The following CCDC15 variants were observed in gnomAD, a reference collection of about 807,000 sequenced individuals.
The protein encoded by CCDC15 is coiled-coil domain-containing protein 15.
A neutral mutation model predicts 114.5 loss-of-function variants in CCDC15; 105 were observed. The observed-to-expected ratio is 0.92, with a 90% confidence interval of 0.78 to 1.08. The LOEUF is 1.08. Among genes scored for constraint, CCDC15 ranks in the 50% least tolerant of loss-of-function variants. The probability of loss-of-function intolerance (pLI) is 0.00; values close to 1 mark genes in which losing one functional copy is unlikely to be tolerated. For synonymous variants in CCDC15, 334 were observed against 377.8 expected (o/e 0.88, Z 1.34); for missense variants, 1,105 against 1,093.6 (o/e 1.01, Z -0.15).
chr11:124,986,667 C>CTGTGTGTGTGTGTGTGTGTG (rs146292043), intron 6 of CCDC15, 75 bp from the exon 7 acceptor site: 2 of 1,089,548 alleles, frequency 1.8e-6, no homozygotes, highest in Non-Finnish European at 2.4e-6. Flanking sequence ...CTACATGGTG[C>CTGTGTGTGTGTGTGTGTGTG]TGTGTGTGTG....
chr11:124,982,248 G>T (rs1171455218), intron 6 of CCDC15, among the ~76,000 whole-genome samples: 1 of 152,044 alleles, frequency 6.6e-6, no homozygotes, highest in Non-Finnish European at 1.5e-5. Context: ...TACCCAACTT[G>T]CCACTCTGTG....
At chr11:125,034,203 G>A (rs916413201) in intron 13 of CCDC15, among the ~76,000 whole-genome samples, 3 of 152,152 alleles carry the variant, frequency 2.0e-5, no homozygotes, top group East Asian at 1.9e-4. Context: ...CACTACTGGG[G>A]ATGAGAAAGC....
At position 124,984,207 on chromosome 11, in the gene CCDC15, G is replaced by A. The variant is rs117222550; in HGVS notation, c.754-2535G>A. Among the ~76,000 whole-genome samples, 349 of 152,282 alleles carry A rather than the reference G, an allele frequency of 2.3e-3. 3 individuals are homozygous for A. Among genetic ancestry groups the A allele is most frequent in the Non-Finnish European group, 3.5e-3 (235 of 68,014 alleles). On this transcript the variant is annotated intron_variant, in intron 6 of 15. Coordinates refer to ENST00000344762, the MANE Select transcript of CCDC15 (RefSeq NM_025004.3). ...AAATGATGTAGGTGTTGCTATGGAT[G>A]AGTGCATGCTGGAAAAGTGGCATGA...
intron 6 of CCDC15, among the ~76,000 whole-genome samples, chr11:124,985,197 T>C (rs1202057335): frequency 6.6e-6 from 1 of 151,964 alleles, no homozygotes; most frequent in Non-Finnish European, 1.5e-5. Context: ...ATTCTTTTTA[T>C]TGCTGAATAA....
chr11:125,023,576 T>A (rs1372645121), intron 13 of CCDC15, among the ~76,000 whole-genome samples: 2 of 151,806 alleles, frequency 1.3e-5, no homozygotes, highest in Non-Finnish European at 2.9e-5. Context: ...GAAATGCAAA[T>A]CAAAACCATG....
chr11:124,971,855 A>T (rs961617628), intron 4 of CCDC15, among the ~76,000 whole-genome samples: 2 of 151,948 alleles, frequency 1.3e-5, no homozygotes, highest in African/African-American at 2.4e-5. Flanking sequence ...CTTCTTAATT[A>T]AAAAAAATTT....
At chr11:125,037,716 C>G (rs1305201521) in intron 13 of CCDC15, among the ~76,000 whole-genome samples, 1 of 152,138 alleles carries the variant, frequency 6.6e-6, no homozygotes, top group Non-Finnish European at 1.5e-5. Context: ...TTGTTTGTTA[C>G]CTGGTGTCCA....
chr11:125,014,380 A>T (rs1591609026), intron 13 of CCDC15, among the ~76,000 whole-genome samples: 1 of 152,180 alleles, frequency 6.6e-6, no homozygotes, highest in Non-Finnish European at 1.5e-5. Flanking sequence ...GTTTCTAAGT[A>T]CATACTTAGA....
intron 13 of CCDC15, among the ~76,000 whole-genome samples, chr11:125,031,780 C>T (rs986661225): frequency 1.3e-5 from 2 of 152,180 alleles, no homozygotes; most frequent in Admixed American, 6.5e-5. Flanking sequence ...CAGAGCAGCT[C>T]GCACAGCAGC....
At position 125,014,131 on chromosome 11, in the gene CCDC15, A is replaced by G. The variant is rs137949157; in HGVS notation, c.2411+8919A>G. ...GGAGGGGAGAAAGGGCCCAATATAC[A>G]TATCAGGCTTTCAGTTGAGTTAGGG... On this transcript the variant is annotated intron_variant, in intron 13 of 15. Coordinates refer to ENST00000344762, the MANE Select transcript of CCDC15 (RefSeq NM_025004.3). Among the ~76,000 whole-genome samples the G allele has an allele frequency of 8.5e-5, 13 of 152,312 alleles. No homozygotes were observed. In the East Asian group the frequency reaches 1.2e-3, roughly 14 times the overall value.
chr11:125,001,010 C>CA (rs1948471778), intron 11 of CCDC15, among the ~76,000 whole-genome samples: 1 of 152,180 alleles, frequency 6.6e-6, no homozygotes, highest in South Asian at 2.1e-4. Flanking sequence ...CACTGTAACT[C>CA]ATGCTGGAAT....
rs183826111 is a variant in CCDC15, at chr11:125,012,650, G to A, written c.2411+7438G>A. 1.9e-3 allele frequency among the ~76,000 whole-genome samples: 296 copies of A among 152,282 alleles called. 1 individual carries two copies. Among genetic ancestry groups the A allele is most frequent in the Non-Finnish European group, 3.4e-3 (229 of 68,010 alleles). On this transcript the variant is annotated intron_variant, in intron 13 of 15. Transcript: ENST00000344762. ...GATAAATATATGTTTTGCAGGGAAG[G>A]GGATAAGGATGGTGAGTTAGGAAAA...
At chr11:124,997,136 A>G (rs1948386822) in intron 11 of CCDC15, among the ~76,000 whole-genome samples, 1 of 152,198 alleles carries the variant, frequency 6.6e-6, no homozygotes, top group Non-Finnish European at 1.5e-5. Flanking sequence ...ATTGATGGAC[A>G]TCTGGGTTGT....
intron 11 of CCDC15, among the ~76,000 whole-genome samples, chr11:124,993,515 C>T (rs1948307319): frequency 1.3e-5 from 2 of 152,104 alleles, no homozygotes; most frequent in African/African-American, 2.4e-5. Flanking sequence ...ATGATGATCC[C>T]GCTTGGATAA....
chr11:125,027,927 G>A (rs978221581), intron 13 of CCDC15, among the ~76,000 whole-genome samples: 1 of 152,064 alleles, frequency 6.6e-6, no homozygotes, highest in Non-Finnish European at 1.5e-5. Flanking sequence ...TGAGAGATGA[G>A]GATCCAGTTT....
At chr11:125,038,741 AT>A in intron 14 of CCDC15, 137 bp downstream of exon 14, 2 of 1,157,074 alleles carry the variant, frequency 1.7e-6, no homozygotes, top group South Asian at 1.7e-5. Flanking sequence ...ACTTCACCAA[AT>A]TTTTTGATTG....
intron 13 of CCDC15, among the ~76,000 whole-genome samples, chr11:125,013,142 A>G (rs1948606383): frequency 6.6e-6 from 1 of 152,212 alleles, no homozygotes; most frequent in Non-Finnish European, 1.5e-5. Flanking sequence ...AGAAAAAGAG[A>G]CAAAAAATAA....
intron 4 of CCDC15, among the ~76,000 whole-genome samples, chr11:124,967,564 G>A (rs374381474): frequency 3.3e-5 from 5 of 152,148 alleles, no homozygotes; most frequent in East Asian, 1.9e-4. Context: ...GCTTCCTTGC[G>A]ATGGGTTCAA....
chr11:125,030,102 TG>T (rs1591614255), intron 13 of CCDC15, among the ~76,000 whole-genome samples: 1 of 152,100 alleles, frequency 6.6e-6, no homozygotes. Context: ...TGTAATATCG[TG>T]GGAACAGGAA....
Sources: gnomAD v4.1 joint callset for allele counts (sites outside exome capture counted in the v4.1 genomes callset) on GRCh38, gnomAD v4.1.1 for gene constraint, MANE v1.5 for transcripts, NCBI Gene and HGNC (gene_info 2026-07-23, HGNC 2026-07-21) for gene names.